COG6: variants seen among roughly 807,000 people sequenced by gnomAD.
COG6 encodes the protein conserved oligomeric Golgi complex subunit 6.
Under a neutral mutation model 88.8 loss-of-function variants are expected in COG6, and 74 were observed. The observed-to-expected ratio is 0.83, with a 90% CI of 0.69 to 1.01. COG6 has a LOEUF of 1.01. Ranked by LOEUF, COG6 falls within the 50% of genes least tolerant of loss-of-function variation. COG6 has a pLI of 0.00. For synonymous variants in COG6, 286 were observed against 278.7 expected (o/e 1.03, Z -0.26); for missense variants, 800 against 797.9 (o/e 1.00, Z -0.03).
chr13:39,706,482 CT>C (rs960915084), intron 13 of COG6, among the ~76,000 whole-genome samples: 16 of 151,430 alleles, frequency 1.1e-4, no homozygotes, highest in Admixed American at 2.6e-4. Context: ...GTAGGAACAG[CT>C]TTTGGAATTT....
intron 8 of COG6, among the ~76,000 whole-genome samples, chr13:39,686,961 C>T (rs763313402): frequency 6.6e-6 from 1 of 151,884 alleles, no homozygotes; most frequent in Non-Finnish European, 1.5e-5. Context: ...AACTCCTGGG[C>T]TCCAGTGACC....
In COG6 at chr13:39,699,486, ATTCT is replaced by A. The variant is rs1205732076; in HGVS notation, c.1167-12_1167-9del. On this transcript the variant is annotated splice_polypyrimidine_tract_variant and intron_variant, in intron 12 of 18. Coordinates refer to ENST00000455146, the MANE Select transcript of COG6 (RefSeq NM_020751.3). ...CAGTTTCTGTTTTGCAACCTGAAATATTCTTTGCTTTTAGTGGTATTGTTGGAAA... is the reference window on the plus strand; with the variant it reads ...CAGTTTCTGTTTTGCAACCTGAAATATTGCTTTTAGTGGTATTGTTGGAAA... 7.9e-7 allele frequency: 1 copy of A among 1,267,378 alleles called. No individual in the cohort carries two copies. Among genetic ancestry groups the A allele is most frequent in the South Asian group, 1.2e-5 (1 of 84,046 alleles). 78.5% of individuals were successfully genotyped at this position (1,267,378 alleles called of 1,614,324 possible).
intron 4 of COG6, among the ~76,000 whole-genome samples, chr13:39,675,038 T>A (rs529967552): frequency 6.6e-6 from 1 of 152,286 alleles, no homozygotes. Flanking sequence ...TACATATAGA[T>A]CTACCTCAGT....
chr13:39,761,530 A>G (rs944181803), intron 18 of COG6, among the ~76,000 whole-genome samples: 5 of 152,052 alleles, frequency 3.3e-5, no homozygotes, highest in Admixed American at 2.6e-4. Flanking sequence ...AAAATGGACA[A>G]ATAGGATTAT....
intron 18 of COG6, among the ~76,000 whole-genome samples, chr13:39,749,088 G>A (rs1880489596): frequency 6.6e-6 from 1 of 152,092 alleles, no homozygotes; most frequent in South Asian, 2.1e-4. Flanking sequence ...TACTATTACT[G>A]CTATAACTAT....
intron 18 of COG6, among the ~76,000 whole-genome samples, chr13:39,767,407 AC>A (rs1167484422): frequency 2.5e-4 from 34 of 137,786 alleles, no homozygotes; most frequent in Middle Eastern, 3.5e-3. Flanking sequence ...GTCAGAAATT[AC>A]GGATTTTTTT....
chr13:39,667,129 GTT>G (rs1359274976), intron 4 of COG6, among the ~76,000 whole-genome samples: 1 of 152,086 alleles, frequency 6.6e-6, no homozygotes, highest in African/African-American at 2.4e-5. Context: ...TGAAAAAAGA[GTT>G]TGACAGCAGG....
intron 18 of COG6, 68 bp from the exon 19 acceptor site, chr13:39,750,876 CTG>C (rs1215630486): frequency 4.2e-6 from 5 of 1,184,894 alleles, no homozygotes; most frequent in Non-Finnish European, 3.7e-6. Context: ...AAGTGTCAAG[CTG>C]TCTTACAATT....
At chr13:39,690,371 T>C (rs181340265) in intron 11 of COG6, among the ~76,000 whole-genome samples, 1 of 152,042 alleles carries the variant, frequency 6.6e-6, no homozygotes, top group South Asian at 2.1e-4. Flanking sequence ...CTTCTGCACC[T>C]GAATTATGCT....
rs1876915634 is a variant in COG6, at chr13:39,690,405, C to T, written c.1074+581C>T. On this transcript the variant is annotated intron_variant, in intron 11 of 18. Coordinates refer to ENST00000455146, the MANE Select transcript of COG6 (RefSeq NM_020751.3). The stretch of plus-strand genomic sequence containing the variant: ...CTCTGGTGGGACCTGTATATTAAAA[C>T]ACCTATCATCCAGGGTTGTTGTGAG... 2.0e-5 allele frequency among the ~76,000 whole-genome samples: 3 copies of T among 151,994 alleles called. No individual in the cohort carries two copies. In the South Asian group the frequency reaches 6.2e-4, roughly 31 times the overall value.
intron 13 of COG6, among the ~76,000 whole-genome samples, chr13:39,715,256 C>CCCCT (rs1555279502): frequency 6.7e-6 from 1 of 149,234 alleles, no homozygotes; most frequent in African/African-American, 2.4e-5. Flanking sequence ...ACTATATACT[C>CCCCT]CTCTCTCTCT....
intron 18 of COG6, among the ~76,000 whole-genome samples, chr13:39,732,929 A>G (rs1879530636): frequency 6.6e-6 from 1 of 152,160 alleles, no homozygotes; most frequent in Non-Finnish European, 1.5e-5. Flanking sequence ...AACCAGTGAT[A>G]AAGAGAAAAA....
chr13:39,659,284 A>G, intron 1 of COG6, 80 bp from the exon 2 acceptor site: 1 of 1,305,312 alleles, frequency 7.7e-7, no homozygotes, highest in Non-Finnish European at 1.1e-6. Flanking sequence ...TTTGAAAATG[A>G]TTTCATTACA....
In COG6 at chr13:39,783,165, T is replaced by C. The variant is rs569656743; in HGVS notation, c.1827-5170T>C. Among the ~76,000 whole-genome samples, 25 of 152,346 alleles carry C rather than the reference T, an allele frequency of 1.6e-4. No individual in the cohort carries two copies. The South Asian group carries it at 5.0e-3, about 30-fold the overall frequency. On this transcript the variant is annotated intron_variant, in intron 18 of 18. Coordinates refer to the COG6 transcript ENST00000416691. Reference sequence around the variant, plus strand: ...TTTCACCTCATATTTTTAATGATGATCCTAGAGGTCTTACATATTTTCAAA... The same window carrying C: ...TTTCACCTCATATTTTTAATGATGACCCTAGAGGTCTTACATATTTTCAAA...
chr13:39,658,161 G>A (rs954351684), intron 1 of COG6, among the ~76,000 whole-genome samples: 2 of 77,806 alleles, frequency 2.6e-5, no homozygotes, highest in Non-Finnish European at 5.1e-5. Context: ...TTTTTTTTTT[G>A]AGACCAAGTC....
chr13:39,700,124 A>G (rs1351922604), intron 13 of COG6, among the ~76,000 whole-genome samples: 1 of 151,900 alleles, frequency 6.6e-6, no homozygotes, highest in Non-Finnish European at 1.5e-5. Flanking sequence ...GTAAGATCTA[A>G]TATCTTAAAT....
At chr13:39,732,308 G>A (rs958144089) in intron 18 of COG6, among the ~76,000 whole-genome samples, 1 of 152,020 alleles carries the variant, frequency 6.6e-6, no homozygotes, top group Non-Finnish European at 1.5e-5. Flanking sequence ...CTGCCTTCCG[G>A]AACAAAACAT....
chr13:39,681,329 G>C (rs913443916), intron 7 of COG6, among the ~76,000 whole-genome samples: 13 of 152,216 alleles, frequency 8.5e-5, no homozygotes, highest in African/African-American at 2.9e-4. Context: ...CTGGAGTGTT[G>C]TCTGCCTTTC....
At chr13:39,761,784 T>C (rs959625643) in intron 18 of COG6, among the ~76,000 whole-genome samples, 5 of 148,390 alleles carry the variant, frequency 3.4e-5, no homozygotes, top group Admixed American at 6.7e-5. Flanking sequence ...AAAAAAATGC[T>C]GAACACCGCT....
Sources: gnomAD v4.1 joint callset for allele counts (sites outside exome capture counted in the v4.1 genomes callset) on GRCh38, gnomAD v4.1.1 for gene constraint, MANE v1.5 for transcripts, NCBI Gene and HGNC (gene_info 2026-07-23, HGNC 2026-07-21) for gene names.